Variants in MALRD1 observed in about 807,000 individuals in gnomAD.
MALRD1 encodes MAM and LDL-receptor class A domain-containing protein 1.
MALRD1 carries 247 observed loss-of-function variants against 242.1 expected under a neutral mutation model. That is an observed-to-expected ratio of 1.02 (90% CI 0.92 to 1.13). The LOEUF is 1.13. MALRD1 is among the 50% of genes most tolerant of loss of function. MALRD1 has a pLI of 0.00. For missense variants in MALRD1, 2,989 were observed against 2,533.1 expected (o/e 1.18, Z -3.86); for synonymous variants, 995 against 866.6 (o/e 1.15, Z -2.60).
At chr10:19,469,709 T>C (rs7915702) in intron 29 of MALRD1, among the ~76,000 whole-genome samples, 130,994 of 152,118 alleles carry the variant, frequency 0.86, 56,552 homozygotes, top group East Asian at 0.98. Flanking sequence ...TGAACTGGGT[T>C]ACATGCCAAA....
At chr10:19,583,377 T>C (rs1021153947) in intron 33 of MALRD1, among the ~76,000 whole-genome samples, 4 of 151,124 alleles carry the variant, frequency 2.6e-5, no homozygotes, top group Non-Finnish European at 4.4e-5. Context: ...AGATAGCTCT[T>C]ATTATTTTGA....
chr10:19,140,115 A>G (rs547176241), intron 10 of MALRD1, among the ~76,000 whole-genome samples: 1 of 152,320 alleles, frequency 6.6e-6, no homozygotes, highest in South Asian at 2.1e-4. Context: ...AGAATCTAAT[A>G]TATTCTCATT....
At chr10:19,706,775 A>G (rs1833886165) in intron 38 of MALRD1, among the ~76,000 whole-genome samples, 1 of 152,122 alleles carries the variant, frequency 6.6e-6, no homozygotes, top group Admixed American at 6.6e-5. Flanking sequence ...GCTGGCTTTT[A>G]TGGATTTCAT....
At chr10:19,326,538 TCA>T (rs1260260114) in intron 22 of MALRD1, among the ~76,000 whole-genome samples, 1 of 152,090 alleles carries the variant, frequency 6.6e-6, no homozygotes, top group Non-Finnish European at 1.5e-5. Flanking sequence ...TACATTTTTT[TCA>T]ATGCCTTTCA....
intron 4 of MALRD1, among the ~76,000 whole-genome samples, chr10:19,100,289 G>A (rs1196510807): frequency 6.6e-6 from 1 of 152,064 alleles, no homozygotes; most frequent in Non-Finnish European, 1.5e-5. Context: ...TGCTAGGCTA[G>A]GGGACTCAAA....
intron 4 of MALRD1, among the ~76,000 whole-genome samples, chr10:19,099,749 C>CTATA (rs1051105680): frequency 0.015 from 1,567 of 107,726 alleles, 24 homozygotes; most frequent in African/African-American, 0.061. Context: ...TCCATAGAAC[C>CTATA]TATATATATA....
rs1264164090 is a variant in MALRD1, at chr10:19,708,267, C to T, written c.6314+15713C>T. On this transcript the variant is annotated intron_variant, in intron 38 of 39. Transcript: ENST00000454679. ...AAACTTCTATCATTTATAGGCTACC[C>T]CCACAATTTACACCATGACTACATA... Among the ~76,000 whole-genome samples, 2 of 119,944 alleles carry T rather than the reference C, an allele frequency of 1.7e-5. 1 individual carries two copies. Among genetic ancestry groups the T allele is most frequent in the Non-Finnish European group, 3.8e-5 (2 of 52,540 alleles). 78.7% of individuals were successfully genotyped at this position (119,944 alleles called of 152,430 possible).
At chr10:19,058,561 T>A (rs909295953) in intron 1 of MALRD1, among the ~76,000 whole-genome samples, 1 of 152,098 alleles carries the variant, frequency 6.6e-6, no homozygotes, top group Non-Finnish European at 1.5e-5. Flanking sequence ...AGTCAGTAAA[T>A]TAGAATATAT....
At chr10:19,401,816 A>G (rs1416047809) in intron 28 of MALRD1, among the ~76,000 whole-genome samples, 1 of 104,056 alleles carries the variant, frequency 9.6e-6, no homozygotes, top group Non-Finnish European at 2.2e-5. Flanking sequence ...TTGATCAAAC[A>G]ATCAAAAGAG....
intron 33 of MALRD1, among the ~76,000 whole-genome samples, chr10:19,587,705 A>T (rs1240236611): frequency 6.6e-6 from 1 of 152,202 alleles, no homozygotes; most frequent in Non-Finnish European, 1.5e-5. Flanking sequence ...CAGGAACTGG[A>T]ACTGTCTGCA....
intron 36 of MALRD1, among the ~76,000 whole-genome samples, chr10:19,637,495 C>T (rs557781041): frequency 6.6e-6 from 1 of 152,318 alleles, no homozygotes; most frequent in Admixed American, 6.5e-5. Flanking sequence ...TTCCCTTGTG[C>T]TCACGATAAA....
chr10:19,618,178 G>A (rs920989788), intron 36 of MALRD1, among the ~76,000 whole-genome samples: 7 of 151,858 alleles, frequency 4.6e-5, no homozygotes, highest in Admixed American at 4.6e-4. Flanking sequence ...TTTTTTTAAG[G>A]CTGCATAGTA....
chr10:19,383,727 C>A (rs547984528), intron 26 of MALRD1, among the ~76,000 whole-genome samples: 16 of 151,822 alleles, frequency 1.1e-4, no homozygotes, highest in African/African-American at 3.9e-4. Context: ...ATGTGATGAT[C>A]AAAATATCTC....
chr10:19,667,173 G>A (rs541309254), intron 36 of MALRD1, among the ~76,000 whole-genome samples: 1 of 152,068 alleles, frequency 6.6e-6, no homozygotes, highest in Non-Finnish European at 1.5e-5. Flanking sequence ...ACTTTGGACT[G>A]AGGCCAGGTT....
At chr10:19,301,525 T>C (rs1396036514) in intron 21 of MALRD1, among the ~76,000 whole-genome samples, 1 of 151,900 alleles carries the variant, frequency 6.6e-6, no homozygotes, top group Non-Finnish European at 1.5e-5. Flanking sequence ...TAGAACACTA[T>C]GCAGCCATAG....
chr10:19,437,118 A>C (rs1035610902), intron 28 of MALRD1, among the ~76,000 whole-genome samples: 1 of 152,160 alleles, frequency 6.6e-6, no homozygotes, highest in Non-Finnish European at 1.5e-5. Context: ...ATTCTGTAGC[A>C]GAAGAAAATG....
chr10:19,113,149 C>A (rs1404166694), intron 5 of MALRD1, among the ~76,000 whole-genome samples: 3 of 152,036 alleles, frequency 2.0e-5, no homozygotes, highest in African/African-American at 4.8e-5. Flanking sequence ...CTACTTCCAA[C>A]AGATTATACT....
intron 33 of MALRD1, 33 bp from the exon 34 acceptor site, chr10:19,595,161 T>G: frequency 6.5e-7 from 1 of 1,529,886 alleles, no homozygotes; most frequent in South Asian, 1.2e-5. Context: ...AACTCCCTAA[T>G]GCCAAAATAA....
At chr10:19,642,675 A>G (rs1183752217) in intron 36 of MALRD1, among the ~76,000 whole-genome samples, 1 of 152,200 alleles carries the variant, frequency 6.6e-6, no homozygotes, top group African/African-American at 2.4e-5. Context: ...TTCTGCATAG[A>G]AATCCTCAAG....
Sources: allele counts gnomAD v4.1 joint callset (sites outside exome capture counted in the v4.1 genomes callset), GRCh38; gene constraint gnomAD v4.1.1; transcripts MANE v1.5; gene names NCBI Gene and HGNC (gene_info 2026-07-23, HGNC 2026-07-21).